The following ADCY3 variants were observed in gnomAD, a reference collection of about 807,000 sequenced individuals.
The protein encoded by ADCY3 is adenylate cyclase 3, also known as adenylate cyclase type 3.
Under a neutral mutation model 119.4 loss-of-function variants are expected in ADCY3, and 70 were observed. The ratio of observed to expected loss-of-function variants is 0.59; its 90% CI spans 0.48 to 0.72. ADCY3 has a LOEUF of 0.72. Among genes scored for constraint, ADCY3 ranks in the 30% least tolerant of loss-of-function variants. ADCY3 has a pLI of 0.00. For missense variants in ADCY3, 1,238 were observed against 1,541.6 expected (o/e 0.80, Z 3.30); for synonymous variants, 672 against 621.4 (o/e 1.08, Z -1.21).
rs753263255 is a variant in ADCY3, at chr2:24,918,924, C to A, written c.64G>T (p.Val22Phe). The A allele has an allele frequency of 6.2e-7, 1 of 1,612,050 alleles. No individual in the cohort carries two copies. The highest frequency in any genetic ancestry group is 8.5e-7 in the Non-Finnish European group (1 of 1,179,844). The change falls in exon 2 of 22, where the codon GTC becomes TTC. Residue 22 changes from valine to phenylalanine, a missense_variant. By Grantham distance (50) the Val-to-Phe change is conservative. Coordinates refer to ENST00000679454, the MANE Select transcript of ADCY3 (RefSeq NM_004036.5). The surrounding 1 kb of genome is among the most constrained non-coding windows in gnomAD (Gnocchi z 5.4). ...YSAEYSAEYS[V>F]SLPSDPDRGV... Reference sequence around the variant, plus strand: ...CGGTCAGGGTCGGAGGGCAGGCTGACGGAGTACTCGGCTGAGTACTCGGCC... The same window carrying A: ...CGGTCAGGGTCGGAGGGCAGGCTGAAGGAGTACTCGGCTGAGTACTCGGCC...
At chr2:24,880,282 G>A (rs932043006) in intron 2 of ADCY3, among the ~76,000 whole-genome samples, 31 of 152,350 alleles carry the variant, frequency 2.0e-4, no homozygotes, top group Non-Finnish European at 4.3e-4. Flanking sequence ...AGCTTCTCAG[G>A]TTGCGCACTG....
intron 11 of ADCY3, 52 bp from the exon 12 acceptor site, chr2:24,831,801 G>T: frequency 7.2e-7 from 1 of 1,385,210 alleles, no homozygotes; most frequent in South Asian, 1.2e-5. Flanking sequence ...AGTGAGATGG[G>T]GTGAGGGGCT....
chr2:24,885,413 G>T (rs577779130), intron 2 of ADCY3, among the ~76,000 whole-genome samples: 1 of 152,298 alleles, frequency 6.6e-6, no homozygotes, highest in East Asian at 1.9e-4. Context: ...TGATCCACAG[G>T]TCTCACTTCT....
Position 24,855,371 on chromosome 2 carries a change from A to G in ADCY3, c.826-12987T>C, listed in dbSNP as rs545693685. Among the ~76,000 whole-genome samples, 477 of 152,312 alleles carry G rather than the reference A, an allele frequency of 3.1e-3. 9 individuals carry two copies. Among genetic ancestry groups the G allele is most frequent in the African/African-American group, 0.011 (452 of 41,568 alleles). ...TTTTAAAGAGTCAAACAGTTCAAAG[A>G]ATGTGCTGCCCTGAGAGGTGGTGAA... On this transcript the variant is annotated intron_variant, in intron 3 of 21. Transcript: ENST00000679454.
At chr2:24,826,410 CTGAT>C (rs1378415131) in intron 15 of ADCY3, 5 of 351,308 alleles carry the variant, frequency 1.4e-5, no homozygotes, top group Middle Eastern at 7.7e-4. Flanking sequence ...CATTGCCTGA[CTGAT>C]CACAGAGGTA....
At chr2:24,830,569 T>C (rs961764824) in intron 13 of ADCY3, 140 bp downstream of exon 13, 2 of 643,878 alleles carry the variant, frequency 3.1e-6, no homozygotes, top group Non-Finnish European at 5.5e-6. Context: ...GTGGGGATGA[T>C]GTGTTTGGGA....
In ADCY3 at chr2:24,853,350, AG is replaced by A. The variant is rs1263412712; in HGVS notation, c.826-10967del. Among the ~76,000 whole-genome samples the A allele has an allele frequency of 2.6e-5, 4 of 152,120 alleles. No homozygotes were observed. In the East Asian group the frequency reaches 7.7e-4, roughly 29 times the overall value. ...GGGAAGGTGCAACAGGGCAGCGCCC[AG>A]GGGGCAGGGGTCACTTGGCAGCTTC... On this transcript the variant is annotated intron_variant, in intron 3 of 21. Coordinates refer to ENST00000679454, the MANE Select transcript of ADCY3 (RefSeq NM_004036.5).
chr2:24,868,224 G>A (rs868002682), intron 3 of ADCY3, among the ~76,000 whole-genome samples: 1 of 152,092 alleles, frequency 6.6e-6, no homozygotes, highest in African/African-American at 2.4e-5. Flanking sequence ...ATGGATCAAA[G>A]GCATTTCAAT....
intron 3 of ADCY3, among the ~76,000 whole-genome samples, chr2:24,843,725 C>T (rs142860930): frequency 1.4e-3 from 212 of 152,332 alleles, no homozygotes; most frequent in African/African-American, 4.9e-3. Flanking sequence ...GGTTCTGAGG[C>T]GCTGTGGGGC....
chr2:24,896,865 G>C (rs186410750), intron 2 of ADCY3, among the ~76,000 whole-genome samples: 1 of 152,122 alleles, frequency 6.6e-6, no homozygotes, highest in Non-Finnish European at 1.5e-5. Flanking sequence ...GCCAGTCTCC[G>C]TTTGGGTTCT....
intron 21 of ADCY3, chr2:24,820,437 T>C (rs1667434017): frequency 5.3e-6 from 7 of 1,323,266 alleles, no homozygotes; most frequent in Non-Finnish European, 6.7e-6. Flanking sequence ...CGTGGAGCTT[T>C]TCTGCCAGAC....
intron 2 of ADCY3, among the ~76,000 whole-genome samples, chr2:24,905,009 T>C (rs770949168): frequency 3.3e-5 from 5 of 152,094 alleles, no homozygotes; most frequent in Non-Finnish European, 5.9e-5. Flanking sequence ...CCCTGATTAT[T>C]AGAGTTATTA....
chr2:24,875,164 G>A (rs1558485325), intron 2 of ADCY3, among the ~76,000 whole-genome samples: 5 of 151,768 alleles, frequency 3.3e-5, no homozygotes, highest in African/African-American at 2.4e-5. Flanking sequence ...CTGCCAGTGA[G>A]CTGATTCTAG....
Position 24,918,458 on chromosome 2 carries a change from A to G in ADCY3, c.530T>C (p.Phe177Ser). Reference sequence around the variant, plus strand: ...GAGGGGCAGCGTGATGAAGAAGGAGAAGACAAAGAAGACCTGCCAGCCCAC... The same window carrying G: ...GAGGGGCAGCGTGATGAAGAAGGAGGAGACAAAGAAGACCTGCCAGCCCAC... Reference protein sequence around the residue: ...DTVGWQVFFVFSFFITLPLSL... With the variant: ...DTVGWQVFFVSSFFITLPLSL... The change falls in exon 2 of 22, where the codon TTC becomes TCC. Residue 177 changes from phenylalanine (F) to serine (S), a missense_variant. Phe to Ser is a radical substitution (Grantham distance 155, BLOSUM62 -2). This residue lies in a region of ADCY3 where 227 missense variants were observed against 249.3 expected (regional missense o/e 0.91). Transcript: ENST00000679454. This position sits in a 1 kb window ranked among gnomAD's most constrained non-coding sequence, Gnocchi z 5.4. 1 of 1,614,034 alleles carries G rather than the reference A, an allele frequency of 6.2e-7. No individual in the cohort carries two copies. Among genetic ancestry groups the G allele is most frequent in the Middle Eastern group, 1.7e-4 (1 of 6,060 alleles).
rs1166676492 is a variant in ADCY3, at chr2:24,819,810, G to A, written c.*122C>T. The A allele has an allele frequency of 3.9e-6, 4 of 1,037,448 alleles. No individual in the cohort carries two copies. Among genetic ancestry groups the A allele is most frequent in the Non-Finnish European group, 4.2e-6 (3 of 718,282 alleles). The allele number at this position is 1,037,448 out of a possible 1,614,324, so 64.3% of individuals were successfully genotyped here. ...ACACATCCACGAACAAATGAAGGCT[G>A]AGGAGGTTTCTAAACCTAAAGTCCA... is the stretch of plus-strand genomic sequence containing the variant. On this transcript the variant is annotated 3_prime_UTR_variant, in exon 22 of 22. Transcript: ENST00000679454.
At chr2:24,910,213 T>C (rs1414751940) in intron 2 of ADCY3, among the ~76,000 whole-genome samples, 1 of 152,188 alleles carries the variant, frequency 6.6e-6, no homozygotes, top group African/African-American at 2.4e-5. Context: ...TCTTTTTTTA[T>C]TCTTTTTTGA....
At position 24,872,839 on chromosome 2, in the gene ADCY3, C is replaced by G; in HGVS notation, c.676-120G>C. ...GTGACCAAAATCAAACCTCAAGTTG[C>G]CCAATGTCCAGGGAGGGGCCCAGCA... is the stretch of plus-strand genomic sequence containing the variant. On this transcript the variant is annotated intron_variant, in intron 2 of 21. Coordinates refer to ENST00000679454, the MANE Select transcript of ADCY3 (RefSeq NM_004036.5). The surrounding 1 kb of genome is among the most constrained non-coding windows in gnomAD (Gnocchi z 4.4). 5.6e-6 allele frequency: 7 copies of G among 1,239,654 alleles called. No homozygotes were observed. Among genetic ancestry groups the G allele is most frequent in the Non-Finnish European group, 7.9e-6 (7 of 888,168 alleles). 76.8% of individuals were successfully genotyped at this position (1,239,654 alleles called of 1,614,324 possible).
In ADCY3 at chr2:24,841,403, T is replaced by C; in HGVS notation, c.1069-17A>G. 6.2e-7 allele frequency: 1 copy of C among 1,609,866 alleles called. No individual in the cohort carries two copies. Among genetic ancestry groups the C allele is most frequent in the Non-Finnish European group, 8.5e-7 (1 of 1,178,314 alleles). ...GTGGTATTTCTGAAAGGGGAGGGCC[T>C]GGCCTGTGCTCCAGCCCCTCCTCAG... is the stretch of plus-strand genomic sequence containing the variant. On this transcript the variant is annotated splice_polypyrimidine_tract_variant and intron_variant, in intron 5 of 21. Coordinates refer to ENST00000679454, the MANE Select transcript of ADCY3 (RefSeq NM_004036.5). The surrounding 1 kb of genome is among the most constrained non-coding windows in gnomAD (Gnocchi z 5.8).
chr2:24,870,401 C>A (rs1558478636), intron 3 of ADCY3, among the ~76,000 whole-genome samples: 1 of 151,800 alleles, frequency 6.6e-6, no homozygotes, highest in South Asian at 2.1e-4. Context: ...CAAAGAGGGG[C>A]AGCAACGAGC....
Sources: gnomAD v4.1 joint callset for allele counts (sites outside exome capture counted in the v4.1 genomes callset) on GRCh38, gnomAD v4.1.1 for gene constraint, gnomAD v4.1.1 regional missense constraint, Gnocchi (gnomAD v3.1) non-coding constraint, MANE v1.5 for transcripts, NCBI Gene and HGNC (gene_info 2026-07-23, HGNC 2026-07-21) for gene names.